The following DPH6 variants were observed in gnomAD, a reference collection of about 807,000 sequenced individuals.
DPH6 encodes diphthamine biosynthesis 6.
Under a neutral mutation model 38.2 loss-of-function variants are expected in DPH6, and 33 were observed. The ratio of observed to expected loss-of-function variants is 0.86; its 90% confidence interval spans 0.65 to 1.15. The LOEUF is 1.15. DPH6 is among the 50% of genes most tolerant of loss of function. The probability of loss-of-function intolerance (pLI) is 0.00; values close to 1 mark genes in which losing one functional copy is unlikely to be tolerated. For missense variants in DPH6, 325 were observed against 320.0 expected, an observed-to-expected ratio of 1.02 and a Z score of -0.12; for synonymous variants, 108 against 103.0, an observed-to-expected ratio of 1.05 and a Z score of -0.30.
At chr15:35,346,730 G>A (rs766308087) in intron 3 of DPH6, among the ~76,000 whole-genome samples, 1 of 151,918 alleles carries the variant, frequency 6.6e-6, no homozygotes, top group Non-Finnish European at 1.5e-5. Flanking sequence ...CAGCCTTTCC[G>A]TTTATCCAGT....
At chr15:35,175,039 G>T in the DPH6 span, among the ~76,000 whole-genome samples, 2 of 152,038 alleles carry the variant, frequency 1.3e-5, no homozygotes, top group Non-Finnish European at 2.9e-5. Context: ...AGCACTGTTG[G>T]CTGTTTCGTT....
intron 6 of DPH6, among the ~76,000 whole-genome samples, chr15:35,400,152 A>C (rs564635580): frequency 6.6e-6 from 1 of 152,350 alleles, no homozygotes; most frequent in East Asian, 1.9e-4. Context: ...CAATGAGTGT[A>C]GCGCTGAATT....
chr15:35,310,095 C>T (rs142512663), intron 3 of DPH6, among the ~76,000 whole-genome samples: 36 of 152,264 alleles, frequency 2.4e-4, no homozygotes, highest in Admixed American at 8.5e-4. Flanking sequence ...CCATTCCAGA[C>T]CAATTAAATC....
intron 3 of DPH6, among the ~76,000 whole-genome samples, chr15:35,492,639 C>T (rs899647249): frequency 6.6e-6 from 1 of 152,182 alleles, no homozygotes; most frequent in African/African-American, 2.4e-5. Flanking sequence ...TAAATAAATG[C>T]ATGCTCTCTG....
At chr15:35,545,786 C>T (rs1255275395) in intron 1 of DPH6, among the ~76,000 whole-genome samples, 3 of 152,142 alleles carry the variant, frequency 2.0e-5, no homozygotes, top group Non-Finnish European at 4.4e-5. Context: ...AATCAGACGC[C>T]GGGTCGCACA....
chr15:35,475,050 TG>T (rs939887564), intron 3 of DPH6, among the ~76,000 whole-genome samples: 1 of 151,966 alleles, frequency 6.6e-6, no homozygotes, highest in Admixed American at 6.6e-5. Context: ...ACTTCACCCC[TG>T]CATCTGAATA....
At chr15:35,489,431 A>T (rs989528105) in intron 3 of DPH6, 1 of 984,984 alleles carries the variant, frequency 1.0e-6, no homozygotes, top group Non-Finnish European at 1.2e-6. Flanking sequence ...TGTTTCTGTC[A>T]TTTGTAGCCC....
chr15:35,496,567 A>AAAAAAAAAAAATATATATATATATAT, intron 3 of DPH6, among the ~76,000 whole-genome samples: 2 of 31,012 alleles, frequency 6.4e-5, no homozygotes, highest in African/African-American at 2.7e-4. Context: ...AAAAAAAAAA[A>AAAAAAAAAAAATATATATATATATAT]ATATATATAT....
intron 3 of DPH6, among the ~76,000 whole-genome samples, chr15:35,262,793 A>G (rs1269895247): frequency 6.6e-6 from 1 of 151,548 alleles, no homozygotes; most frequent in Non-Finnish European, 1.5e-5. Context: ...AATTTTATGA[A>G]CATCTCTTTA....
At chr15:35,455,728 G>A (rs2053988224) in intron 3 of DPH6, among the ~76,000 whole-genome samples, 1 of 152,100 alleles carries the variant, frequency 6.6e-6, no homozygotes, top group Non-Finnish European at 1.5e-5. Context: ...TGACTAGGGG[G>A]TGATTACTAA....
chr15:35,357,800 C>T (rs1305670849), intron 3 of DPH6, among the ~76,000 whole-genome samples: 1 of 152,222 alleles, frequency 6.6e-6, no homozygotes, highest in Non-Finnish European at 1.5e-5. Context: ...GTGCTTCTGT[C>T]TCACAGCTCT....
downstream of DPH6, among the ~76,000 whole-genome samples, chr15:35,368,074 C>T (rs1340276921): frequency 6.6e-6 from 1 of 151,822 alleles, no homozygotes; most frequent in Non-Finnish European, 1.5e-5. Flanking sequence ...AGAATAAGTC[C>T]TTAAACAACT....
chr15:35,426,919 T>G (rs944183459), intron 5 of DPH6, among the ~76,000 whole-genome samples: 2 of 149,294 alleles, frequency 1.3e-5, no homozygotes, highest in Non-Finnish European at 3.0e-5. Context: ...TATGAACACG[T>G]TGAAAATATC....
chr15:35,291,446 C>G (rs957341589), intron 3 of DPH6, among the ~76,000 whole-genome samples: 18 of 152,226 alleles, frequency 1.2e-4, no homozygotes, highest in African/African-American at 4.3e-4. Context: ...AAGTGACAAA[C>G]ATCCTAACCT....
chr15:35,439,989 G>C lies in DPH6; in HGVS notation c.505+10696C>G, dbSNP rs116830231. Among the ~76,000 whole-genome samples, 1,425 of 152,226 alleles carry C rather than the reference G, an allele frequency of 9.4e-3. 22 individuals carry two copies. Among genetic ancestry groups the C allele is most frequent in the African/African-American group, 0.032 (1,346 of 41,538 alleles). On this transcript the variant is annotated intron_variant, in intron 5 of 8. Coordinates refer to ENST00000256538, the MANE Select transcript of DPH6 (RefSeq NM_080650.4). Reference sequence around the variant, plus strand: ...AAAATGAGGACTGGAGAGAAATTATGTTTCAAAACTTACATATTTATCATT... The same window carrying C: ...AAAATGAGGACTGGAGAGAAATTATCTTTCAAAACTTACATATTTATCATT...
At position 35,260,261 on chromosome 15, in the gene DPH6, T is replaced by G. The variant is rs138873285; in HGVS notation, n.201-39679A>C. On this transcript the variant is annotated intron_variant and non_coding_transcript_variant, in intron 3 of 3. Coordinates refer to the DPH6 transcript ENST00000560386. ...TAGCTGGGATTACAGGCACCTGCCA[T>G]CACGCCCAGCTAATTTTTGTATTTT... Among the ~76,000 whole-genome samples, 4,911 of 152,048 alleles carry G rather than the reference T, an allele frequency of 0.032. 347 individuals are homozygous for G. In the East Asian group the frequency reaches 0.33, roughly 10 times the overall value.
At chr15:35,469,572 C>T (rs1321036348) in intron 3 of DPH6, among the ~76,000 whole-genome samples, 1 of 152,116 alleles carries the variant, frequency 6.6e-6, no homozygotes, top group Non-Finnish European at 1.5e-5. Context: ...ACCCAGAATG[C>T]TCCCAAGTGT....
chr15:35,205,122 G>A, the DPH6 span, among the ~76,000 whole-genome samples: 1 of 151,804 alleles, frequency 6.6e-6, no homozygotes, highest in Non-Finnish European at 1.5e-5. Flanking sequence ...CAAAATACAC[G>A]TCTTTTATAT....
intron 3 of DPH6, among the ~76,000 whole-genome samples, chr15:35,301,637 A>G (rs2052055015): frequency 6.6e-6 from 1 of 152,208 alleles, no homozygotes; most frequent in South Asian, 2.1e-4. Flanking sequence ...CATATCATCT[A>G]TACATTAAAA....
Sources: gnomAD v4.1 joint callset for allele counts (sites outside exome capture counted in the v4.1 genomes callset) on GRCh38, gnomAD v4.1.1 for gene constraint, MANE v1.5 for transcripts, NCBI Gene and HGNC (gene_info 2026-07-23, HGNC 2026-07-21) for gene names.